MCF2L2: variants seen among roughly 807,000 people sequenced by gnomAD.
MCF2L2 encodes the protein probable guanine nucleotide exchange factor MCF2L2.
MCF2L2 carries 102 observed loss-of-function variants against 150.2 expected under a neutral mutation model. That is an observed-to-expected ratio of 0.68 (90% CI 0.58 to 0.80). The LOEUF (loss-of-function observed/expected upper bound fraction) is 0.80. MCF2L2 is among the 30% of genes least tolerant of loss of function. The pLI, the probability that MCF2L2 is intolerant of heterozygous loss-of-function variation, is 0.00. For missense variants in MCF2L2, 1,256 were observed against 1,372.8 expected, an observed-to-expected ratio of 0.91 and a Z score of 1.34; for synonymous variants, 465 against 491.3, an observed-to-expected ratio of 0.95 and a Z score of 0.71.
intron 3 of MCF2L2, among the ~76,000 whole-genome samples, chr3:183,360,939 G>A (rs1712097915): frequency 7.2e-6 from 1 of 138,590 alleles, no homozygotes; most frequent in Admixed American, 7.4e-5. Context: ...TCCAGCCTGG[G>A]CAAGAAGAGT....
At chr3:183,250,021 CT>C (rs1420949711) in intron 15 of MCF2L2, among the ~76,000 whole-genome samples, 2 of 152,114 alleles carry the variant, frequency 1.3e-5, no homozygotes, top group African/African-American at 4.8e-5. Flanking sequence ...AGACATACAA[CT>C]TTTTTCCCCT....
chr3:183,202,390 G>A (rs564280152), intron 25 of MCF2L2, among the ~76,000 whole-genome samples: 58 of 152,308 alleles, frequency 3.8e-4, no homozygotes, highest in Non-Finnish European at 6.2e-4. Context: ...GGGTTGTAAA[G>A]GCTCCAAAAT....
chr3:183,276,906 G>A lies in MCF2L2; in HGVS notation c.1828C>T (p.Gln610Ter), dbSNP rs775500476. The A allele has an allele frequency of 6.2e-7, 1 of 1,611,284 alleles. No homozygotes were observed. Among genetic ancestry groups the A allele is most frequent in the Admixed American group, 1.7e-5 (1 of 59,818 alleles). Residue 610 changes from glutamine (Q) to a stop codon, truncating the protein, a stop_gained, in exon 15 of 30, where the codon CAG (glutamine) becomes TAG (stop). Coordinates refer to ENST00000328913, the MANE Select transcript of MCF2L2 (RefSeq NM_015078.4). LOFTEE classifies it high-confidence loss of function. ...GAAAGGTCTCCGAGCCTGGCCTGCT[G>A]CTCCAGCTCAGGGTTCCCCCTTTCA... ...HHERGNPELE[Q>*]QARLGDLSPR...
At chr3:183,269,828 C>A (rs967005052) in intron 15 of MCF2L2, 5 of 1,610,484 alleles carry the variant, frequency 3.1e-6, no homozygotes, top group African/African-American at 1.3e-5. Context: ...GCAGAAGAGT[C>A]AAAAAATGGC....
At chr3:183,195,149 G>A (rs1576912603) in intron 26 of MCF2L2, 73 bp downstream of exon 26, 3 of 1,183,330 alleles carry the variant, frequency 2.5e-6, no homozygotes, top group African/African-American at 1.6e-5. Context: ...AGCAATAAAA[G>A]CAATGACATG....
chr3:183,379,054 C>T (rs1397603466), intron 3 of MCF2L2: 2 of 428,322 alleles, frequency 4.7e-6, no homozygotes, highest in East Asian at 4.1e-5. Context: ...TCCACCCGAC[C>T]ATGTTTACTC....
chr3:183,358,912 C>T (rs1711954505), intron 3 of MCF2L2, among the ~76,000 whole-genome samples: 1 of 152,038 alleles, frequency 6.6e-6, no homozygotes, highest in Non-Finnish European at 1.5e-5. Context: ...TGATTACTAC[C>T]ATGCCTGGCC....
At chr3:183,228,047 A>AC (rs1560354284) in intron 18 of MCF2L2, 5 of 458,324 alleles carry the variant, frequency 1.1e-5, no homozygotes, top group Admixed American at 3.6e-5. Context: ...ACACACACAC[A>AC]ATGGTAATGA....
chr3:183,261,686 A>G (rs989018507), intron 15 of MCF2L2, among the ~76,000 whole-genome samples: 1 of 152,154 alleles, frequency 6.6e-6, no homozygotes, highest in African/African-American at 2.4e-5. Flanking sequence ...GTTTCACTAC[A>G]GTATTTTATT....
intron 27 of MCF2L2, among the ~76,000 whole-genome samples, chr3:183,190,688 G>C (rs1485532134): frequency 6.6e-6 from 1 of 152,196 alleles, no homozygotes; most frequent in African/African-American, 2.4e-5. Flanking sequence ...TAACCTCACA[G>C]GCATTTCCTG....
At chr3:183,323,523 C>T (rs1024967200) in intron 5 of MCF2L2, among the ~76,000 whole-genome samples, 172 bp from the exon 6 acceptor site, 1 of 151,836 alleles carries the variant, frequency 6.6e-6, no homozygotes, top group Non-Finnish European at 1.5e-5. Context: ...CAAGCACAGT[C>T]GCTCATGCCG....
chr3:183,288,636 C>T (rs778467737), intron 14 of MCF2L2, among the ~76,000 whole-genome samples: 2 of 152,050 alleles, frequency 1.3e-5, no homozygotes, highest in Non-Finnish European at 2.9e-5. Flanking sequence ...CATCTGCCAC[C>T]ACGCCCATCT....
intron 1 of MCF2L2, among the ~76,000 whole-genome samples, chr3:183,409,549 TTC>T (rs1715214308): frequency 6.9e-6 from 1 of 144,654 alleles, no homozygotes; most frequent in Admixed American, 7.1e-5. Flanking sequence ...TAGCTAAAAT[TTC>T]TTTTTTTTTT....
chr3:183,218,271 A>C (rs921299571), intron 21 of MCF2L2, among the ~76,000 whole-genome samples: 17 of 152,240 alleles, frequency 1.1e-4, no homozygotes, highest in African/African-American at 3.9e-4. Flanking sequence ...ATTCATAATA[A>C]AGAAGCTTCG....
chr3:183,248,902 C>A (rs1343985700), intron 15 of MCF2L2, among the ~76,000 whole-genome samples: 1 of 152,074 alleles, frequency 6.6e-6, no homozygotes, highest in East Asian at 1.9e-4. Flanking sequence ...TCAGTACAAC[C>A]AAACCTAAGT....
chr3:183,290,935 T>A (rs1454631506), intron 13 of MCF2L2, among the ~76,000 whole-genome samples: 1 of 152,210 alleles, frequency 6.6e-6, no homozygotes, highest in Non-Finnish European at 1.5e-5. Context: ...AGGTTGACCA[T>A]CTGATCTCCA....
intron 11 of MCF2L2, chr3:183,297,645 T>TCCC (rs1728598412): frequency 1.0e-5 from 1 of 97,484 alleles, no homozygotes; most frequent in African/African-American, 4.9e-5. Context: ...CCTTCCTCCC[T>TCCC]TCCTTCCTTC....
At chr3:183,219,776 A>G in intron 21 of MCF2L2, 80 bp downstream of exon 21, 1 of 921,204 alleles carries the variant, frequency 1.1e-6, no homozygotes, top group Non-Finnish European at 1.7e-6. Flanking sequence ...CACCAAGTAA[A>G]ATTGCTATAA....
At chr3:183,326,424 G>A (rs79649789) in intron 5 of MCF2L2, among the ~76,000 whole-genome samples, 3,056 of 147,420 alleles carry the variant, frequency 0.021, 41 homozygotes, top group South Asian at 0.036. Flanking sequence ...TTCAGGAGGC[G>A]GAGGTTGCAG....
Sources: gnomAD v4.1 joint callset for allele counts (sites outside exome capture counted in the v4.1 genomes callset) on GRCh38, gnomAD v4.1.1 for gene constraint, MANE v1.5 for transcripts, NCBI Gene and HGNC (gene_info 2026-07-23, HGNC 2026-07-21) for gene names.